The following STK36 variants were observed in gnomAD, a reference collection of about 807,000 sequenced individuals.
STK36 encodes serine/threonine-protein kinase 36.
In STK36, 116 loss-of-function variants were observed where a neutral mutation model predicts 142.2. The ratio of observed to expected loss-of-function variants is 0.82; its 90% CI spans 0.70 to 0.95. STK36 has a LOEUF of 0.95. Ranked by LOEUF, STK36 falls within the 40% of genes least tolerant of loss-of-function variation. The pLI, the probability that STK36 is intolerant of heterozygous loss-of-function variation, is 0.00. For synonymous variants in STK36, 619 were observed against 641.7 expected, an observed-to-expected ratio of 0.96 and a Z score of 0.53; for missense variants, 1,422 against 1,617.2, an observed-to-expected ratio of 0.88 and a Z score of 2.07.
At chr2:218,692,764 G>A in intron 16 of STK36, 54 bp downstream of exon 16, 2 of 1,557,364 alleles carry the variant, frequency 1.3e-6, no homozygotes, top group Non-Finnish European at 1.7e-6. Flanking sequence ...GAATTGAGGA[G>A]GCTAGCCCCA....
At chr2:218,675,847 T>G (rs891452168) in intron 5 of STK36, among the ~76,000 whole-genome samples, 182 bp from the exon 6 acceptor site, 1 of 152,066 alleles carries the variant, frequency 6.6e-6, no homozygotes, top group Non-Finnish European at 1.5e-5. Context: ...TAGACCATAC[T>G]CTTGACTTAT....
chr2:218,682,941 A>G (rs180764079), intron 10 of STK36, among the ~76,000 whole-genome samples: 1 of 152,204 alleles, frequency 6.6e-6, no homozygotes, highest in Admixed American at 6.5e-5. Context: ...AATCTGGAAC[A>G]GTTCTTGTCT....
chr2:218,692,511 G>T (rs934676711), intron 15 of STK36, 72 bp from the exon 16 acceptor site: 2 of 1,538,150 alleles, frequency 1.3e-6, no homozygotes, highest in Non-Finnish European at 1.7e-6. Context: ...CTGCCATGTC[G>T]GTGAGTACTG....
At position 218,692,721 on chromosome 2, in the gene STK36, C is replaced by T. The variant is rs779218950; in HGVS notation, c.2043+11C>T. ...GATGCCAAGGAGCAGGTCCGAGCTACAATTGGTTGTTCCTCTCATCCTACT... is the reference window on the plus strand; with the variant it reads ...GATGCCAAGGAGCAGGTCCGAGCTATAATTGGTTGTTCCTCTCATCCTACT... On this transcript the variant is annotated intron_variant, in intron 16 of 26. Transcript: ENST00000295709. 5 of 1,607,858 alleles carry T rather than the reference C, an allele frequency of 3.1e-6. No homozygotes were observed. The South Asian group carries it at 4.4e-5, about 14-fold the overall frequency.
chr2:218,678,118 T>C (rs1427570072), intron 6 of STK36, among the ~76,000 whole-genome samples: 1 of 152,114 alleles, frequency 6.6e-6, no homozygotes, highest in Admixed American at 6.5e-5. Flanking sequence ...TAATTAAATT[T>C]TTTTTAAAAT....
At chr2:218,685,053 C>T (rs1429409144) in intron 10 of STK36, 32 bp from the exon 11 acceptor site, 1 of 1,613,338 alleles carries the variant, frequency 6.2e-7, no homozygotes, top group Non-Finnish European at 8.5e-7. Context: ...TTACACACTA[C>T]TCCTGACCCC....
rs766495036 is a variant in STK36 at position 218,673,760 on chromosome 2, A to G, written c.220A>G (p.Lys74Glu). ...VHMLDSFETD[K>E]EVVVVTDYAE... is the part of the protein sequence containing the mutation. ...TATGCTTGACAGCTTTGAAACTGAT[A>G]AAGAGGTGTGCTTTGACAGTTTTGG... Residue 74 changes from lysine to glutamate, a missense_variant, in exon 3 of 27, where the codon AAA becomes GAA. Transcript: ENST00000295709. 3 of 1,613,842 alleles carry G rather than the reference A, an allele frequency of 1.9e-6. No individual in the cohort carries two copies. The highest frequency in any genetic ancestry group is 2.7e-5 in the African/African-American group (2 of 74,896).
chr2:218,694,073 T>C lies in STK36; in HGVS notation c.2336+90T>C. ...GTATGGGGAATGGTACCCTACAGCA[T>C]ATCCTTAGGAGGAATTGGGATAGAG... is the stretch of plus-strand genomic sequence containing the variant. On this transcript the variant is annotated intron_variant, in intron 19 of 26. Transcript: ENST00000295709. This position sits in a 1 kb window ranked among gnomAD's most constrained non-coding sequence, Gnocchi z 4.4. The C allele has an allele frequency of 7.4e-7, 1 of 1,356,374 alleles. No individual in the cohort carries two copies. Among genetic ancestry groups the C allele is most frequent in the Admixed American group, 1.7e-5 (1 of 59,108 alleles). 84.0% of individuals were successfully genotyped at this position (1,356,374 alleles called of 1,614,324 possible). A position where few individuals can be genotyped will look rare whatever the true frequency, so the allele number is the denominator to read the frequency against.
intron 13 of STK36, among the ~76,000 whole-genome samples, chr2:218,690,213 C>T (rs1352962380): frequency 6.6e-6 from 1 of 151,638 alleles, no homozygotes. Flanking sequence ...TAACCTATTC[C>T]AGGAAGCCAA....
At position 218,679,598 on chromosome 2, in the gene STK36, T is replaced by A. The variant is rs1318416122; in HGVS notation, c.817T>A (p.Phe273Ile). 6.2e-7 allele frequency: 1 copy of A among 1,613,960 alleles called. No homozygotes were observed. Among genetic ancestry groups the A allele is most frequent in the African/African-American group, 1.3e-5 (1 of 74,910 alleles). ...AGCAGGCCCAGATTTGGGGACCCCA[T>A]TCACCAGCCGCCTACCCCCAGAACT... is the stretch of plus-strand genomic sequence containing the variant. ...EPAGPDLGTPFTSRLPPELQV... is the reference protein window; with the variant it reads ...EPAGPDLGTPITSRLPPELQV... The change falls in exon 8 of 27, where the codon TTC becomes ATC. Residue 273 changes from phenylalanine to isoleucine, a missense_variant. Physicochemically the swap from Phe to Ile is conservative, Grantham distance 21. Around this residue, in one of 2 missense-constraint regions of STK36, gnomAD observed 460 missense variants for 449.6 expected, o/e 1.02. Transcript: ENST00000295709.
Position 218,684,273 on chromosome 2 carries a change from G to A in STK36, c.1237-812G>A, listed in dbSNP as rs2912738. 5.3e-3 allele frequency among the ~76,000 whole-genome samples: 789 copies of A among 149,216 alleles called. 2 individuals are homozygous for A. The highest frequency in any genetic ancestry group is 0.018 in the African/African-American group (747 of 40,502). On this transcript the variant is annotated intron_variant, in intron 10 of 26. Coordinates refer to ENST00000295709, the MANE Select transcript of STK36 (RefSeq NM_015690.5). The stretch of plus-strand genomic sequence containing the variant: ...ATTACAGGCATCTGCCACCACACCC[G>A]GCTAATTTTGTATTTTTAGTAGAGA...
intron 6 of STK36, 91 bp from the exon 7 acceptor site, chr2:218,679,077 A>G (rs946667008): frequency 8.3e-6 from 10 of 1,208,720 alleles, no homozygotes; most frequent in African/African-American, 6.0e-5. Context: ...GTGAGGATGG[A>G]TGTGGGATTC....
At chr2:218,680,977 A>C (rs1940491881) in intron 10 of STK36, among the ~76,000 whole-genome samples, 1 of 152,182 alleles carries the variant, frequency 6.6e-6, no homozygotes, top group Non-Finnish European at 1.5e-5. Flanking sequence ...AACTTTCTGT[A>C]ATTTCACACA....
intron 26 of STK36, among the ~76,000 whole-genome samples, chr2:218,699,679 T>C (rs1043130025): frequency 6.6e-6 from 1 of 150,960 alleles, no homozygotes; most frequent in Non-Finnish European, 1.5e-5. Flanking sequence ...ATGAAGGTGC[T>C]GACTATTTTT....
chr2:218,696,453 C>A, intron 21 of STK36, 74 bp from the exon 22 acceptor site: 1 of 1,318,242 alleles, frequency 7.6e-7, no homozygotes, highest in South Asian at 1.2e-5. Flanking sequence ...ATGGCACCAT[C>A]ACTGACCTGC....
chr2:218,677,391 C>G (rs1209544300), intron 6 of STK36, among the ~76,000 whole-genome samples: 1 of 152,346 alleles, frequency 6.6e-6, no homozygotes, highest in East Asian at 1.9e-4. Flanking sequence ...GACGGGGACA[C>G]AAATCCAAAC....
chr2:218,690,598 C>T, intron 14 of STK36, 43 bp downstream of exon 14: 1 of 1,435,370 alleles, frequency 7.0e-7, no homozygotes, highest in Non-Finnish European at 9.8e-7. Flanking sequence ...TCCTATCATT[C>T]TCCGTGTTTC....
chr2:218,672,342 G>T (rs966426587), intron 1 of STK36, 127 bp downstream of exon 1: 7 of 342,958 alleles, frequency 2.0e-5, no homozygotes, highest in African/African-American at 1.5e-4. Flanking sequence ...TTGGCCTGAG[G>T]AGCTTGGAGC....
At chr2:218,699,466 C>T in intron 26 of STK36, 118 bp downstream of exon 26, 1 of 1,431,098 alleles carries the variant, frequency 7.0e-7, no homozygotes, top group Non-Finnish European at 9.3e-7. Flanking sequence ...TGCCGTGTTT[C>T]TCCCAGGGAC....
Sources: allele counts gnomAD v4.1 joint callset (sites outside exome capture counted in the v4.1 genomes callset), GRCh38; gene constraint gnomAD v4.1.1; regional missense constraint gnomAD v4.1.1; non-coding constraint Gnocchi (gnomAD v3.1); transcripts MANE v1.5; gene names NCBI Gene and HGNC (gene_info 2026-07-23, HGNC 2026-07-21).